TPRG1: variants seen among roughly 807,000 people sequenced by gnomAD.
TPRG1 encodes the protein tumor protein p63-regulated gene 1 protein.
Under a neutral mutation model 29.3 loss-of-function variants are expected in TPRG1, and 29 were observed. The ratio of observed to expected loss-of-function variants is 0.99; its 90% CI spans 0.74 to 1.35. The LOEUF (loss-of-function observed/expected upper bound fraction) is 1.35. Ranked by LOEUF, TPRG1 falls within the 40% of genes most tolerant of loss-of-function variation. TPRG1 has a pLI of 0.00. For synonymous variants in TPRG1, 130 were observed against 116.8 expected, an observed-to-expected ratio of 1.11 and a Z score of -0.73; for missense variants, 327 against 335.0, an observed-to-expected ratio of 0.98 and a Z score of 0.19.
At chr3:189,145,473 C>T (rs564514985) in intron 3 of TPRG1, among the ~76,000 whole-genome samples, 3 of 152,014 alleles carry the variant, frequency 2.0e-5, no homozygotes, top group Non-Finnish European at 4.4e-5. Context: ...AGAGAATGGC[C>T]TAACCTTGCA....
At chr3:189,312,004 A>G (rs1722570130) in intron 5 of TPRG1, among the ~76,000 whole-genome samples, 1 of 152,160 alleles carries the variant, frequency 6.6e-6, no homozygotes, top group Non-Finnish European at 1.5e-5. Flanking sequence ...CTTATTAATA[A>G]TAACACATTA....
intron 1 of TPRG1, among the ~76,000 whole-genome samples, chr3:189,111,614 A>G (rs1560455084): frequency 6.6e-6 from 1 of 152,138 alleles, no homozygotes; most frequent in Non-Finnish European, 1.5e-5. Flanking sequence ...TGAATTTTCA[A>G]CTTATGATAT....
intron 4 of TPRG1, among the ~76,000 whole-genome samples, chr3:189,308,238 T>C (rs907575388): frequency 2.4e-4 from 37 of 152,302 alleles, no homozygotes; most frequent in Non-Finnish European, 4.7e-4. Flanking sequence ...AGTCACGCAA[T>C]GTTAAGTGTC....
chr3:189,240,700 C>T lies in TPRG1; in HGVS notation c.479+1791C>T, dbSNP rs866839644. 1.1e-4 allele frequency: 17 copies of T among 152,312 alleles called. No homozygotes were observed. In the Middle Eastern group the frequency reaches 0.017, roughly 152 times the overall value. The allele number at this position is 152,312 out of a possible 1,614,324, so 9.4% of individuals were successfully genotyped here. ...ATCACCTCCCACCGGGTTCCTCCCA[C>T]GACACATGGGAATTGTGGGTGTTAC... On this transcript the variant is annotated intron_variant, in intron 4 of 5. Transcript: ENST00000345063.
chr3:189,315,426 A>G (rs370057367), intron 5 of TPRG1: 2 of 439,290 alleles, frequency 4.6e-6, no homozygotes, highest in Admixed American at 5.1e-5. Context: ...TATTTCATCC[A>G]CTTTGTATTT....
upstream of TPRG1, among the ~76,000 whole-genome samples, chr3:189,168,194 T>C (rs180963965): frequency 3.3e-5 from 5 of 152,216 alleles, no homozygotes; most frequent in East Asian, 9.7e-4. Flanking sequence ...AGCAGACAAA[T>C]GTGTATGTGG....
intron 3 of TPRG1, among the ~76,000 whole-genome samples, chr3:189,012,028 T>C (rs997637817): frequency 1.1e-4 from 17 of 152,214 alleles, no homozygotes; most frequent in African/African-American, 4.1e-4. Context: ...TGAAAAGCCT[T>C]TGGGCTGAGA....
intron 4 of TPRG1, among the ~76,000 whole-genome samples, chr3:189,082,269 C>A (rs1263609533): frequency 6.6e-6 from 1 of 152,168 alleles, no homozygotes; most frequent in Non-Finnish European, 1.5e-5. Flanking sequence ...CTCTTGCCTG[C>A]ATGATTTTGA....
intron 3 of TPRG1, among the ~76,000 whole-genome samples, chr3:189,234,528 C>T (rs762624088): frequency 2.0e-5 from 3 of 152,198 alleles, no homozygotes; most frequent in East Asian, 3.9e-4. Flanking sequence ...TGAACATTTC[C>T]GCAATGTTAC....
chr3:189,023,811 G>T, exon 4 of TPRG1: 1 of 152,550 alleles, frequency 6.6e-6, no homozygotes. Context: ...TGCAGTACCT[G>T]GAGGTTTCAC....
chr3:189,159,150 T>G (rs1727106260), intron 5 of TPRG1, among the ~76,000 whole-genome samples: 2 of 152,162 alleles, frequency 1.3e-5, no homozygotes, highest in South Asian at 4.1e-4. Flanking sequence ...TTTTCACAAC[T>G]TTTGGTTTCA....
At chr3:189,182,934 A>G (rs1331882281) in intron 1 of TPRG1, among the ~76,000 whole-genome samples, 1 of 152,136 alleles carries the variant, frequency 6.6e-6, no homozygotes, top group East Asian at 1.9e-4. Context: ...CTTAGTTATA[A>G]TTTTTTGTTT....
At chr3:189,145,470 G>T (rs921435831) in intron 3 of TPRG1, among the ~76,000 whole-genome samples, 1 of 151,992 alleles carries the variant, frequency 6.6e-6, no homozygotes, top group Non-Finnish European at 1.5e-5. Context: ...GAGAGAGAAT[G>T]GCCTAACCTT....
intron 4 of TPRG1, among the ~76,000 whole-genome samples, chr3:189,033,497 G>A (rs1714060639): frequency 6.6e-6 from 1 of 151,868 alleles, no homozygotes; most frequent in Admixed American, 6.6e-5. Context: ...GCCTGGGTAG[G>A]TCTTGAACAC....
intron 4 of TPRG1, among the ~76,000 whole-genome samples, chr3:189,068,750 C>T (rs571011063): frequency 2.0e-5 from 3 of 149,922 alleles, no homozygotes; most frequent in East Asian, 4.1e-4. Flanking sequence ...CACTCCAGCC[C>T]GGATGATAGT....
intron 2 of TPRG1, among the ~76,000 whole-genome samples, chr3:189,004,031 T>C (rs1712164933): frequency 6.6e-6 from 1 of 152,150 alleles, no homozygotes; most frequent in Non-Finnish European, 1.5e-5. Flanking sequence ...ATAAACATTA[T>C]AAGTGAATCC....
chr3:189,090,092 A>C (rs1352656365), intron 4 of TPRG1, among the ~76,000 whole-genome samples: 1 of 151,980 alleles, frequency 6.6e-6, no homozygotes, highest in East Asian at 1.9e-4. Flanking sequence ...TTCATATTTA[A>C]TTTATTTTCA....
intron 3 of TPRG1, among the ~76,000 whole-genome samples, chr3:189,226,797 CAA>C (rs1175619202): frequency 1.1e-4 from 9 of 81,738 alleles, no homozygotes; most frequent in Admixed American, 5.4e-4. Flanking sequence ...GCAAGGCTGA[CAA>C]AAAAAAAAAA....
intron 1 of TPRG1, chr3:189,121,670 C>T (rs1721840944): frequency 6.6e-6 from 1 of 152,176 alleles, no homozygotes; most frequent in African/African-American, 2.4e-5. Context: ...AGAGGTTTCC[C>T]CATGCCCTCT....
Sources: allele counts gnomAD v4.1 joint callset (sites outside exome capture counted in the v4.1 genomes callset), GRCh38; gene constraint gnomAD v4.1.1; transcripts MANE v1.5; gene names NCBI Gene and HGNC (gene_info 2026-07-23, HGNC 2026-07-21).